The following ADAM2 variants were observed in gnomAD, a reference collection of about 807,000 sequenced individuals.
The protein encoded by ADAM2 is disintegrin and metalloproteinase domain-containing protein 2.
ADAM2 carries 101 observed loss-of-function variants against 99.3 expected under a neutral mutation model. That is an observed-to-expected ratio of 1.02 (90% confidence interval 0.87 to 1.20). The LOEUF (loss-of-function observed/expected upper bound fraction) is 1.20. ADAM2 is among the 50% of genes most tolerant of loss of function. The pLI is 0.00. For missense variants in ADAM2, 948 were observed against 878.7 expected (o/e 1.08, Z -1.00); for synonymous variants, 323 against 287.6 (o/e 1.12, Z -1.25).
At position 39,821,093 on chromosome 8, in the gene ADAM2, T is replaced by C. The variant is rs964149862; in HGVS notation, c.422A>G (p.Tyr141Cys). The change falls in exon 6 of 21, where the codon TAC becomes TGC. Residue 141 changes from tyrosine to cysteine, a missense_variant. Tyr to Cys is a radical substitution (Grantham distance 194, BLOSUM62 -2). Transcript: ENST00000265708. ...ATCTGCTTTCTTATGTTTTACTTGGTAAATTACATGTTCAAAGCCAACTGA... is the reference window on the plus strand; with the variant it reads ...ATCTGCTTTCTTATGTTTTACTTGGCAAATTACATGTTCAAAGCCAACTGA... The part of the protein sequence containing the change: ...ESSVGFEHVI[Y>C]QVKHKKADVS... The C allele has an allele frequency of 4.3e-6, 7 of 1,610,292 alleles. No individual in the cohort carries two copies. In the Admixed American group the frequency reaches 1.0e-4, roughly 23 times the overall value.
In ADAM2 at chr8:39,769,587, T is replaced by G. The variant is rs1422681767; in HGVS notation, c.1029-12A>C. The G allele has an allele frequency of 6.3e-7, 1 of 1,595,588 alleles. No individual in the cohort carries two copies. The highest frequency in any genetic ancestry group is 8.6e-7 in the Non-Finnish European group (1 of 1,165,530). On this transcript the variant is annotated splice_polypyrimidine_tract_variant and intron_variant, in intron 11 of 20. Coordinates refer to ENST00000265708, the MANE Select transcript of ADAM2 (RefSeq NM_001464.5). ...CACCACTGAAATGACTAAAGACACA[T>G]CAAACGTCAAATTTTAATGTAAGGG...
intron 15 of ADAM2, among the ~76,000 whole-genome samples, chr8:39,757,823 A>AACATTAAAAGACATT (rs1389103114): frequency 5.3e-5 from 8 of 152,216 alleles, no homozygotes; most frequent in African/African-American, 1.9e-4. Flanking sequence ...GAAATATGCT[A>AACATTAAAAGACATT]AACACACATA....
intron 20 of ADAM2, among the ~76,000 whole-genome samples, chr8:39,744,523 C>T (rs1465426493): frequency 6.6e-6 from 1 of 152,026 alleles, no homozygotes; most frequent in Non-Finnish European, 1.5e-5. Context: ...TCTCAACAAA[C>T]ACACACAGGA....
chr8:39,835,568 A>C (rs1805788946), intron 2 of ADAM2, among the ~76,000 whole-genome samples: 1 of 151,860 alleles, frequency 6.6e-6, no homozygotes, highest in African/African-American at 2.4e-5. Context: ...CTGTAGTCCC[A>C]GCTACTCAGG....
intron 7 of ADAM2, among the ~76,000 whole-genome samples, chr8:39,792,242 G>A (rs1226009107): frequency 6.6e-6 from 1 of 151,734 alleles, no homozygotes; most frequent in Non-Finnish European, 1.5e-5. Flanking sequence ...AAAAAAAATG[G>A]CAAAACCTTA....
chr8:39,788,637 A>T, intron 8 of ADAM2, 32 bp downstream of exon 8: 1 of 1,476,210 alleles, frequency 6.8e-7, no homozygotes, highest in Non-Finnish European at 9.3e-7. Flanking sequence ...GTAACACAAG[A>T]AGTGCAAAAG....
At chr8:39,754,288 A>G (rs1000530164) in intron 16 of ADAM2, among the ~76,000 whole-genome samples, 2 of 152,148 alleles carry the variant, frequency 1.3e-5, no homozygotes, top group Non-Finnish European at 2.9e-5. Context: ...CACAAACAAG[A>G]TCTATAGCTA....
At chr8:39,791,174 G>T (rs1229632927) in intron 7 of ADAM2, among the ~76,000 whole-genome samples, 1 of 151,862 alleles carries the variant, frequency 6.6e-6, no homozygotes, top group East Asian at 1.9e-4. Context: ...AGAATCCAGG[G>T]AGAGATAATA....
Position 39,811,392 on chromosome 8 carries a change from A to G in ADAM2, c.514-1926T>C, listed in dbSNP as rs952360651. ...ATTCCTTCTGAAACTATTCCAATCA[A>G]TAGAAAAAGAGGGAATCCTCCCTAA... On this transcript the variant is annotated intron_variant, in intron 6 of 20. Transcript: ENST00000265708. 5.9e-5 allele frequency among the ~76,000 whole-genome samples: 9 copies of G among 152,320 alleles called. 1 individual carries two copies. The highest frequency in any genetic ancestry group is 1.2e-4 in the Non-Finnish European group (8 of 68,024).
chr8:39,766,619 G>A lies in ADAM2; in HGVS notation c.1507+229C>T, dbSNP rs183045316. ...GACAGGTTTTTGTCATGTTGGCCAG[G>A]CTGGTCTCAAACACCTGATCTTGGG... is the stretch of plus-strand genomic sequence containing the variant. On this transcript the variant is annotated intron_variant, in intron 14 of 20. Transcript: ENST00000265708. Among the ~76,000 whole-genome samples, 135 of 152,158 alleles carry A rather than the reference G, an allele frequency of 8.9e-4. 1 individual carries two copies. In the Middle Eastern group the frequency reaches 0.01, roughly 12 times the overall value.
intron 18 of ADAM2, among the ~76,000 whole-genome samples, chr8:39,747,884 C>T (rs1263968125): frequency 2.0e-5 from 3 of 152,134 alleles, no homozygotes; most frequent in Non-Finnish European, 4.4e-5. Flanking sequence ...TGTACTAAGA[C>T]TTCAATAGTT....
intron 7 of ADAM2, among the ~76,000 whole-genome samples, chr8:39,792,843 G>GA (rs1803778286): frequency 6.6e-6 from 1 of 152,060 alleles, no homozygotes; most frequent in Non-Finnish European, 1.5e-5. Flanking sequence ...CCCATACATA[G>GA]AAAATGCTTT....
chr8:39,826,347 G>A (rs777386491), intron 3 of ADAM2, among the ~76,000 whole-genome samples: 3 of 152,202 alleles, frequency 2.0e-5, no homozygotes, highest in Non-Finnish European at 1.5e-5. Flanking sequence ...GGAAAGGACA[G>A]TCCCTTCAAT....
Position 39,749,405 on chromosome 8 carries a change from G to T in ADAM2, c.1921C>A (p.Pro641Thr), listed in dbSNP as rs777803104. Residue 641 changes from proline to threonine, a missense_variant, in exon 18 of 21, where the codon CCT (proline) becomes ACT (threonine). Coordinates refer to ENST00000265708, the MANE Select transcript of ADAM2 (RefSeq NM_001464.5). ...TCTGATTGAACTGAGCAATCTGGAG[G>T]TAAATATGAAGCACTACAGTGACAG... ...KHCHCSASYL[P>T]PDCSVQSDLW... is the part of the protein sequence containing the mutation. The T allele has an allele frequency of 3.7e-6, 6 of 1,613,206 alleles. No individual in the cohort carries two copies. In the Admixed American group the frequency reaches 8.3e-5, roughly 22 times the overall value.
chr8:39,771,847 A>C (rs1802792015), intron 11 of ADAM2, among the ~76,000 whole-genome samples: 1 of 152,038 alleles, frequency 6.6e-6, no homozygotes, highest in Admixed American at 6.6e-5. Context: ...ATTACTGAGA[A>C]CCAGGCAATG....
chr8:39,808,718 C>T (rs1438575250), intron 7 of ADAM2, among the ~76,000 whole-genome samples: 2 of 152,072 alleles, frequency 1.3e-5, no homozygotes, highest in Non-Finnish European at 2.9e-5. Context: ...GAGATCGAGA[C>T]CATCCTGGCC....
intron 6 of ADAM2, among the ~76,000 whole-genome samples, chr8:39,816,736 A>T (rs7824492): frequency 0.18 from 27,205 of 152,214 alleles, 2,730 homozygotes; most frequent in East Asian, 0.28. Flanking sequence ...GTCTATATCT[A>T]TGACAATAGA....
At chr8:39,837,997 G>C (rs1293925172) in intron 1 of ADAM2, 134 bp downstream of exon 1, 1 of 942,348 alleles carries the variant, frequency 1.1e-6, no homozygotes, top group African/African-American at 1.6e-5. Context: ...GGCAATGTCG[G>C]GGATGAGCTT....
At chr8:39,749,576 T>C in intron 17 of ADAM2, 91 bp downstream of exon 17, 2 of 1,339,090 alleles carry the variant, frequency 1.5e-6, no homozygotes, top group South Asian at 1.3e-5. Context: ...TGTGTGTGTG[T>C]GTGTGTGTGC....
Sources: gnomAD v4.1 joint callset for allele counts (sites outside exome capture counted in the v4.1 genomes callset) on GRCh38, gnomAD v4.1.1 for gene constraint, MANE v1.5 for transcripts, NCBI Gene and HGNC (gene_info 2026-07-23, HGNC 2026-07-21) for gene names.